RIT2: variants seen among roughly 807,000 people sequenced by gnomAD.
The protein encoded by RIT2 is GTP-binding protein Rit2.
RIT2 carries 24 observed loss-of-function variants against 23.7 expected under a neutral mutation model. The ratio of observed to expected loss-of-function variants is 1.01; its 90% CI spans 0.73 to 1.43. The LOEUF (loss-of-function observed/expected upper bound fraction) is 1.43. Among genes scored for constraint, RIT2 ranks in the 40% most tolerant of loss-of-function variants. RIT2 has a pLI of 0.00. For missense variants in RIT2, 236 were observed against 266.9 expected, an observed-to-expected ratio of 0.88 and a Z score of 0.81; for synonymous variants, 107 against 91.1, an observed-to-expected ratio of 1.17 and a Z score of -0.99.
intron 3 of RIT2, among the ~76,000 whole-genome samples, chr18:42,947,600 T>C (rs1048047809): frequency 6.6e-6 from 1 of 152,064 alleles, no homozygotes; most frequent in Admixed American, 6.6e-5. Flanking sequence ...GGACTTTAAA[T>C]GTTACAGTTA....
At chr18:42,794,391 T>A (rs1914108804) in intron 4 of RIT2, among the ~76,000 whole-genome samples, 1 of 152,212 alleles carries the variant, frequency 6.6e-6, no homozygotes, top group South Asian at 2.1e-4. Context: ...AAATAAGTCA[T>A]TTATATGATA....
At chr18:42,886,535 C>T (rs1300653535) in intron 4 of RIT2, among the ~76,000 whole-genome samples, 1 of 152,160 alleles carries the variant, frequency 6.6e-6, no homozygotes, top group Non-Finnish European at 1.5e-5. Flanking sequence ...GTCTGCCAGA[C>T]CATTTGGGAA....
chr18:43,075,039 C>A (rs564812444), intron 1 of RIT2, among the ~76,000 whole-genome samples: 1 of 151,806 alleles, frequency 6.6e-6, no homozygotes, highest in Non-Finnish European at 1.5e-5. Flanking sequence ...TGCACATGTA[C>A]CCTGGAACTT....
chr18:42,765,584 C>T (rs1913401564), intron 4 of RIT2, among the ~76,000 whole-genome samples: 1 of 152,124 alleles, frequency 6.6e-6, no homozygotes, highest in South Asian at 2.1e-4. Flanking sequence ...AAAAGCAAAA[C>T]CCAAGCCCCA....
chr18:42,782,932 A>C (rs1913844560), intron 4 of RIT2, among the ~76,000 whole-genome samples: 1 of 152,088 alleles, frequency 6.6e-6, no homozygotes, highest in East Asian at 1.9e-4. Context: ...TAATGGTCTT[A>C]AGAATGCAAT....
chr18:43,086,787 C>T (rs1397593138), intron 1 of RIT2, among the ~76,000 whole-genome samples: 2 of 152,154 alleles, frequency 1.3e-5, no homozygotes, highest in Non-Finnish European at 2.9e-5. Context: ...TGGCACATGG[C>T]TGTGGAGAAG....
At chr18:42,936,963 G>T (rs1416501688) in intron 3 of RIT2, among the ~76,000 whole-genome samples, 1 of 150,130 alleles carries the variant, frequency 6.7e-6, no homozygotes, top group Non-Finnish European at 1.5e-5. Flanking sequence ...AGTGAGCCGA[G>T]ATCATGCCAT....
intron 4 of RIT2, among the ~76,000 whole-genome samples, chr18:42,785,760 G>A (rs918690785): frequency 1.1e-4 from 16 of 152,184 alleles, no homozygotes; most frequent in African/African-American, 3.9e-4. Context: ...AAATGAGATG[G>A]CAGGCAACAC....
At chr18:43,069,774 T>C (rs1390342629) in intron 1 of RIT2, among the ~76,000 whole-genome samples, 3 of 152,152 alleles carry the variant, frequency 2.0e-5, no homozygotes, top group Non-Finnish European at 4.4e-5. Context: ...GATGTTTCTT[T>C]CTGGAGTATT....
intron 3 of RIT2, among the ~76,000 whole-genome samples, chr18:42,933,405 G>A (rs1229755889): frequency 1.3e-5 from 2 of 152,076 alleles, no homozygotes; most frequent in Non-Finnish European, 2.9e-5. Context: ...TTGTAACCTT[G>A]TGAAATGGTT....
At chr18:43,064,302 G>A (rs1002698102) in intron 1 of RIT2, among the ~76,000 whole-genome samples, 27 of 152,140 alleles carry the variant, frequency 1.8e-4, no homozygotes, top group African/African-American at 5.1e-4. Context: ...TTTGTTAAGC[G>A]TTGGTTTCAA....
At chr18:42,971,793 G>T (rs1329805149) in intron 3 of RIT2, among the ~76,000 whole-genome samples, 1 of 151,956 alleles carries the variant, frequency 6.6e-6, no homozygotes, top group East Asian at 1.9e-4. Flanking sequence ...TTGAGAAGTA[G>T]CACAAGTACA....
chr18:42,892,100 A>C (rs1000675236), intron 4 of RIT2, among the ~76,000 whole-genome samples: 6 of 152,188 alleles, frequency 3.9e-5, no homozygotes, highest in African/African-American at 1.2e-4. Context: ...AAACCTCTCC[A>C]GGGTAGAAGG....
chr18:42,936,605 T>C (rs1909465305), intron 3 of RIT2, among the ~76,000 whole-genome samples: 1 of 152,192 alleles, frequency 6.6e-6, no homozygotes, highest in Admixed American at 6.5e-5. Flanking sequence ...GTCTCTATCT[T>C]TTATGCACTA....
chr18:42,993,899 A>AAGCCTGTTATCACTTGTCTGTTAC (rs1598741752), intron 2 of RIT2, among the ~76,000 whole-genome samples: 1 of 152,216 alleles, frequency 6.6e-6, no homozygotes, highest in East Asian at 1.9e-4. Flanking sequence ...AAAAGGATTA[A>AAGCCTGTTATCACTTGTCTGTTAC]AGCCTGTTAT....
rs1341222269 is a variant in RIT2 at position 42,941,987 on chromosome 18, A to G, written c.235-18224T>C. ...TTGTTTAATCTCTGTCATTTCCATTATAGCAGTTTATGCAAGGATAAGTGA... is the reference window on the plus strand; with the variant it reads ...TTGTTTAATCTCTGTCATTTCCATTGTAGCAGTTTATGCAAGGATAAGTGA... On this transcript the variant is annotated intron_variant, in intron 3 of 4. Transcript: ENST00000326695. Among the ~76,000 whole-genome samples, 4 of 152,086 alleles carry G rather than the reference A, an allele frequency of 2.6e-5. No homozygotes were observed. In the East Asian group the frequency reaches 7.7e-4, roughly 29 times the overall value.
intron 2 of RIT2, among the ~76,000 whole-genome samples, chr18:43,008,518 T>C (rs1415430512): frequency 1.3e-5 from 2 of 151,518 alleles, no homozygotes; most frequent in Admixed American, 6.6e-5. Flanking sequence ...GTTATAAGGA[T>C]ACTTTTTCTT....
chr18:42,833,177 T>C (rs892822661), intron 4 of RIT2, among the ~76,000 whole-genome samples: 8 of 152,118 alleles, frequency 5.3e-5, no homozygotes, highest in Admixed American at 1.3e-4. Context: ...CTAGTATCTA[T>C]TATTCTACTG....
chr18:42,945,040 G>A (rs184450465), intron 3 of RIT2, among the ~76,000 whole-genome samples: 2 of 151,820 alleles, frequency 1.3e-5, no homozygotes, highest in East Asian at 3.9e-4. Flanking sequence ...TCAAACATTA[G>A]TTTTTGATTT....
Sources: gnomAD v4.1 joint callset for allele counts (sites outside exome capture counted in the v4.1 genomes callset) on GRCh38, gnomAD v4.1.1 for gene constraint, MANE v1.5 for transcripts, NCBI Gene and HGNC (gene_info 2026-07-23, HGNC 2026-07-21) for gene names.